Variants in RORA observed in about 807,000 individuals in gnomAD.
The protein encoded by RORA is RAR related orphan receptor A.
RORA carries 7 observed loss-of-function variants against 69.5 expected under a neutral mutation model. The ratio of observed to expected loss-of-function variants is 0.10; its 90% CI spans 0.06 to 0.19. The LOEUF (loss-of-function observed/expected upper bound fraction) is 0.19. RORA is among the 10% of genes least tolerant of loss of function. RORA has a pLI of 1.00. For missense variants in RORA, 457 were observed against 663.0 expected, an observed-to-expected ratio of 0.69 and a Z score of 3.41; for synonymous variants, 261 against 240.8, an observed-to-expected ratio of 1.08 and a Z score of -0.78.
At chr15:61,115,978 C>G (rs1238116403) in intron 1 of RORA, among the ~76,000 whole-genome samples, 3 of 152,076 alleles carry the variant, frequency 2.0e-5, no homozygotes, top group Non-Finnish European at 4.4e-5. Flanking sequence ...ATAGGTGACT[C>G]AGTGTCAAAG....
intron 1 of RORA, among the ~76,000 whole-genome samples, chr15:61,100,112 CTT>C (rs911036920): frequency 1.5e-3 from 184 of 119,044 alleles, no homozygotes; most frequent in African/African-American, 5.5e-3. Flanking sequence ...GGTCAATTTT[CTT>C]TTTTTTTTTT....
At chr15:61,179,650 T>C (rs967482547) in intron 1 of RORA, among the ~76,000 whole-genome samples, 3 of 152,160 alleles carry the variant, frequency 2.0e-5, no homozygotes, top group African/African-American at 7.2e-5. Flanking sequence ...TGCCAACCAG[T>C]GATTTAGCAT....
intron 1 of RORA, among the ~76,000 whole-genome samples, chr15:60,894,312 T>C (rs1218362361): frequency 6.6e-6 from 1 of 152,210 alleles, no homozygotes; most frequent in East Asian, 1.9e-4. Context: ...TTAATGCTTG[T>C]CCAGAGTTTT....
intron 3 of RORA, among the ~76,000 whole-genome samples, chr15:60,515,933 A>ATT (rs2065860594): frequency 5.8e-5 from 1 of 17,272 alleles, no homozygotes; most frequent in African/African-American, 3.2e-4. Flanking sequence ...ATATTTATAT[A>ATT]TATATTTATA....
At chr15:61,184,904 G>A (rs180684700) in intron 1 of RORA, among the ~76,000 whole-genome samples, 44 of 147,566 alleles carry the variant, frequency 3.0e-4, no homozygotes, top group African/African-American at 9.7e-4. Flanking sequence ...AAGATACCTC[G>A]AGCTCAGCAG....
chr15:61,196,244 G>A (rs762675576), intron 1 of RORA, among the ~76,000 whole-genome samples: 1 of 152,218 alleles, frequency 6.6e-6, no homozygotes, highest in Non-Finnish European at 1.5e-5. Context: ...TTGAAGAGCT[G>A]GGTAGCAGCT....
chr15:60,703,126 A>AACACACACACAC (rs33962963), intron 1 of RORA, among the ~76,000 whole-genome samples: 42 of 145,576 alleles, frequency 2.9e-4, no homozygotes, highest in African/African-American at 8.1e-4. Flanking sequence ...GCTTCAGATT[A>AACACACACACAC]ACACACACAC....
intron 1 of RORA, among the ~76,000 whole-genome samples, chr15:61,103,473 G>T (rs1221424007): frequency 1.3e-5 from 2 of 152,190 alleles, no homozygotes; most frequent in South Asian, 4.1e-4. Context: ...CAGGGAGGGT[G>T]GGGTGCCCCC....
intron 2 of RORA, among the ~76,000 whole-genome samples, chr15:60,579,075 T>G (rs907927170): frequency 3.1e-4 from 47 of 150,890 alleles, no homozygotes; most frequent in African/African-American, 1.0e-3. Context: ...TTTTTTTTTT[T>G]TTTTTTTTTT....
chr15:60,693,922 T>C (rs2070866169), intron 1 of RORA, among the ~76,000 whole-genome samples: 1 of 152,194 alleles, frequency 6.6e-6, no homozygotes, highest in Non-Finnish European at 1.5e-5. Flanking sequence ...TTGATTTTTT[T>C]TTCACAGAAT....
chr15:60,609,943 G>A (rs979128079), intron 2 of RORA, among the ~76,000 whole-genome samples: 13 of 152,062 alleles, frequency 8.5e-5, no homozygotes, highest in African/African-American at 2.9e-4. Flanking sequence ...ACCATCAAAG[G>A]CGTGAAAAAA....
intron 2 of RORA, among the ~76,000 whole-genome samples, chr15:60,616,854 A>AC (rs1336482651): frequency 6.6e-6 from 1 of 152,128 alleles, no homozygotes; most frequent in East Asian, 1.9e-4. Context: ...GGTCCTCAAA[A>AC]CCCCCCTTGT....
intron 1 of RORA, among the ~76,000 whole-genome samples, chr15:61,134,084 T>C (rs146589370): frequency 6.6e-6 from 1 of 152,296 alleles, no homozygotes; most frequent in Non-Finnish European, 1.5e-5. Context: ...AGCCCTGGGT[T>C]TCCTTCCTTT....
chr15:60,705,447 G>A (rs1187466561), intron 1 of RORA, among the ~76,000 whole-genome samples: 2 of 152,164 alleles, frequency 1.3e-5, no homozygotes. Flanking sequence ...TTTCTGAACA[G>A]TTACTTAACT....
chr15:60,719,446 G>C (rs1215386593), intron 1 of RORA, among the ~76,000 whole-genome samples: 2 of 151,992 alleles, frequency 1.3e-5, no homozygotes, highest in Non-Finnish European at 2.9e-5. Flanking sequence ...CACAATAAAA[G>C]ATTAAAAATC....
At chr15:60,688,271 G>T (rs553284785) in intron 1 of RORA, among the ~76,000 whole-genome samples, 1 of 152,054 alleles carries the variant, frequency 6.6e-6, no homozygotes, top group South Asian at 2.1e-4. Flanking sequence ...AAAAAAAAAT[G>T]TATAGAAAAA....
At chr15:61,114,212 T>C (rs1277951091) in intron 1 of RORA, among the ~76,000 whole-genome samples, 2 of 152,130 alleles carry the variant, frequency 1.3e-5, no homozygotes, top group Non-Finnish European at 2.9e-5. Flanking sequence ...GCTTTGCCTA[T>C]CCAATGTCAT....
chr15:61,176,824 TTG>T (rs907511227), intron 1 of RORA, among the ~76,000 whole-genome samples: 1 of 152,202 alleles, frequency 6.6e-6, no homozygotes, highest in African/African-American at 2.4e-5. Flanking sequence ...ACTATTATTA[TTG>T]TTGTTAAAAT....
intron 1 of RORA, among the ~76,000 whole-genome samples, chr15:61,171,631 C>T (rs2079586019): frequency 1.3e-5 from 2 of 152,186 alleles, no homozygotes; most frequent in African/African-American, 2.4e-5. Context: ...ACTAATAATT[C>T]CCAGCAGAGG....
Sources: allele counts gnomAD v4.1 joint callset (sites outside exome capture counted in the v4.1 genomes callset), GRCh38; gene constraint gnomAD v4.1.1; transcripts MANE v1.5; gene names NCBI Gene and HGNC (gene_info 2026-07-23, HGNC 2026-07-21).